The following ADCYAP1 variants were observed in gnomAD, a reference collection of about 807,000 sequenced individuals.
The protein encoded by ADCYAP1 is adenylate cyclase activating polypeptide 1.
ADCYAP1 carries 6 observed loss-of-function variants against 18.5 expected under a neutral mutation model. That is an observed-to-expected ratio of 0.32 (90% CI 0.18 to 0.64). The LOEUF is 0.64. Among genes scored for constraint, ADCYAP1 ranks in the 30% least tolerant of loss-of-function variants. The probability of loss-of-function intolerance (pLI) is 0.77; values close to 1 mark genes in which losing one functional copy is unlikely to be tolerated. For synonymous variants in ADCYAP1, 136 were observed against 113.9 expected, an observed-to-expected ratio of 1.19 and a Z score of -1.24; for missense variants, 314 against 253.6, an observed-to-expected ratio of 1.24 and a Z score of -1.62.
At chr18:908,104 T>C (rs1909247025) in intron 3 of ADCYAP1, 161 bp from the exon 4 acceptor site, 1 of 699,096 alleles carries the variant, frequency 1.4e-6, no homozygotes, top group Admixed American at 2.9e-5. Flanking sequence ...GCAGTTGCTC[T>C]CGAGATCATC....
chr18:908,209 C>G lies in ADCYAP1; in HGVS notation c.243-56C>G, dbSNP rs991161788. 8.7e-6 allele frequency: 13 copies of G among 1,499,194 alleles called. 1 individual carries two copies. The highest frequency in any genetic ancestry group is 3.7e-5 in the Admixed American group (2 of 54,438). 92.9% of individuals were successfully genotyped at this position (1,499,194 alleles called of 1,614,324 possible). A position where few individuals can be genotyped will look rare whatever the true frequency, so the allele number is the denominator to read the frequency against. On this transcript the variant is annotated intron_variant, in intron 3 of 4. Transcript: ENST00000450565. ...GCGCGCCCAACAAGGGGGTCTCTAG[C>G]GGCCACCTGGGGACAGAAACAGTGA... is the stretch of plus-strand genomic sequence containing the variant.
At position 907,693 on chromosome 18, in the gene ADCYAP1, C is replaced by G; in HGVS notation, c.145C>G (p.Pro49Ala). The change falls in exon 3 of 5, where the codon CCG (proline) becomes GCG (alanine). Residue 49 changes from proline to alanine, a missense_variant. Pro to Ala is a conservative substitution (Grantham distance 27, BLOSUM62 -1). Coordinates refer to ENST00000450565, the MANE Select transcript of ADCYAP1 (RefSeq NM_001099733.2). ...AGAGGCGTACGGCGAGGACGGAAAC[C>G]CGCTGCCAGACTTCGATGGCTCGGA... ...EEEAYGEDGN[P>A]LPDFDGSEPP... 6.4e-7 allele frequency: 1 copy of G among 1,570,746 alleles called. No individual in the cohort carries two copies.
intron 4 of ADCYAP1, among the ~76,000 whole-genome samples, 163 bp downstream of exon 4, chr18:908,526 G>A (rs1359596494): frequency 2.0e-5 from 3 of 152,182 alleles, no homozygotes; most frequent in Admixed American, 2.0e-4. Context: ...TTTTGAAGTG[G>A]CACTTTAAAT....
At position 905,480 on chromosome 18, in the gene ADCYAP1, C is replaced by T; in HGVS notation, c.94C>T (p.Arg32Trp). Reference sequence around the variant, plus strand: ...CAGCTCACCTGCCGCCGCCGGACTCCGGTTCCCCGGGATCAGGTAGGTGCT... The same window carrying T: ...CAGCTCACCTGCCGCCGCCGGACTCTGGTTCCCCGGGATCAGGTAGGTGCT... ...VYSSPAAAGL[R>W]FPGIRPEEEA... The change falls in exon 2 of 5, where the codon CGG (arginine) becomes TGG (tryptophan). Residue 32 changes from arginine (R) to tryptophan (W), a missense_variant. Transcript: ENST00000450565. 1 of 1,608,186 alleles carries T rather than the reference C, an allele frequency of 6.2e-7. No individual in the cohort carries two copies.
chr18:908,073 C>T, intron 3 of ADCYAP1, 192 bp from the exon 4 acceptor site: 2 of 668,838 alleles, frequency 3.0e-6, no homozygotes, highest in East Asian at 2.9e-5. Context: ...CTCCTAGAGC[C>T]GGGACTAGCT....
rs1387704493 is a variant in ADCYAP1 at position 909,345 on chromosome 18, C to T, written c.342-101C>T. 4 of 1,227,196 alleles carry T rather than the reference C, an allele frequency of 3.3e-6. No homozygotes were observed. In the South Asian group the frequency reaches 6.1e-5, roughly 19 times the overall value. The allele number at this position is 1,227,196 out of a possible 1,614,324, so 76.0% of individuals were successfully genotyped here. ...GTGGGCAGTGCGAGCCCCGGGCCCT[C>T]CCCGAAGGCTCCCGCGTGGGGTGGG... On this transcript the variant is annotated intron_variant, in intron 4 of 4. Coordinates refer to ENST00000450565, the MANE Select transcript of ADCYAP1 (RefSeq NM_001099733.2).
rs1192660059 is a variant in ADCYAP1 at position 907,802 on chromosome 18, G to A, written c.242+12G>A. 1.4e-6 allele frequency: 2 copies of A among 1,422,062 alleles called. No individual in the cohort carries two copies. Among genetic ancestry groups the A allele is most frequent in the South Asian group, 1.6e-5 (1 of 64,400 alleles). The allele number at this position is 1,422,062 out of a possible 1,614,324, so 88.1% of individuals were successfully genotyped here. The stretch of plus-strand genomic sequence containing the variant: ...CCGGCCGGGAGAAGGTGAGATTCGC[G>A]CGGCCTCGCGCACACCCGCGGCTGG... On this transcript the variant is annotated intron_variant, in intron 3 of 4. Transcript: ENST00000450565.
intron 2 of ADCYAP1, 122 bp downstream of exon 2, chr18:905,618 G>A (rs1460919035): frequency 1.0e-5 from 12 of 1,175,840 alleles, no homozygotes; most frequent in African/African-American, 1.5e-5. Flanking sequence ...TGCGCCCCCG[G>A]TGCGCCTCCG....
chr18:905,553 T>C, intron 2 of ADCYAP1, 57 bp downstream of exon 2: 1 of 1,581,922 alleles, frequency 6.3e-7, no homozygotes, highest in Non-Finnish European at 8.6e-7. Context: ...CACAGACGCT[T>C]CCTCACGGTC....
Position 911,954 on chromosome 18 carries a change from T to C in ADCYAP1, c.*2319T>C, listed in dbSNP as rs1260441985. On this transcript the variant is annotated 3_prime_UTR_variant, in exon 5 of 5. Coordinates refer to ENST00000450565, the MANE Select transcript of ADCYAP1 (RefSeq NM_001099733.2). ...CACCCAGTTTAATCTTTTGTATACTTTTTAGAAATGCCAAGAGCCTTACTA... is the reference window on the plus strand; with the variant it reads ...CACCCAGTTTAATCTTTTGTATACTCTTTAGAAATGCCAAGAGCCTTACTA... 2.0e-5 allele frequency: 3 copies of C among 152,200 alleles called. No individual in the cohort carries two copies. 9.4% of individuals were successfully genotyped at this position (152,200 alleles called of 1,614,324 possible). A position where few individuals can be genotyped will look rare whatever the true frequency, so the allele number is the denominator to read the frequency against.
rs1909340408 is a variant in ADCYAP1, at chr18:910,236, GT to G, written c.*602del. 1 of 152,586 alleles carries G rather than the reference GT, an allele frequency of 6.6e-6. No individual in the cohort carries two copies. Among genetic ancestry groups the G allele is most frequent in the South Asian group, 2.1e-4 (1 of 4,830 alleles). The allele number at this position is 152,586 out of a possible 1,614,324, so 9.5% of individuals were successfully genotyped here. A position where few individuals can be genotyped will look rare whatever the true frequency, so the allele number is the denominator to read the frequency against. On this transcript the variant is annotated 3_prime_UTR_variant, in exon 5 of 5. Transcript: ENST00000450565. ...TCCCAGCCTAACTCAACTGGGCTCT[GT>G]CCCCCTGGTTGGGTGGCAATTCCAA...
At position 909,807 on chromosome 18, in the gene ADCYAP1, C is replaced by A; in HGVS notation, c.*172C>A. The A allele has an allele frequency of 2.6e-6, 1 of 391,858 alleles. No individual in the cohort carries two copies. The highest frequency in any genetic ancestry group is 4.4e-6 in the Non-Finnish European group (1 of 228,764). The allele number at this position is 391,858 out of a possible 1,614,324, so 24.3% of individuals were successfully genotyped here. A position where few individuals can be genotyped will look rare whatever the true frequency, so the allele number is the denominator to read the frequency against. On this transcript the variant is annotated 3_prime_UTR_variant, in exon 5 of 5. Transcript: ENST00000450565. The stretch of plus-strand genomic sequence containing the variant: ...TAATATTGTTTTTCTTTCTACAAAG[C>A]ACTAGAGAATGCACAGATATACTTT...
At position 909,438 on chromosome 18, in the gene ADCYAP1, G is replaced by A; in HGVS notation, c.342-8G>A. 3 of 1,609,422 alleles carry A rather than the reference G, an allele frequency of 1.9e-6. No homozygotes were observed. Among genetic ancestry groups the A allele is most frequent in the African/African-American group, 1.3e-5 (1 of 74,934 alleles). ...CCGCCACCCTCTTCCCGACCCCTTT[G>A]CTTGCAGTGGGAGCCTCGGCGGCGG... On this transcript the variant is annotated splice_polypyrimidine_tract_variant and splice_region_variant and intron_variant, in intron 4 of 4. Transcript: ENST00000450565.
In ADCYAP1 at chr18:908,244, C is replaced by A. The variant is rs780064378; in HGVS notation, c.243-21C>A. 1.9e-6 allele frequency: 3 copies of A among 1,599,738 alleles called. No homozygotes were observed. The East Asian group carries it at 6.7e-5, about 36-fold the overall frequency. On this transcript the variant is annotated intron_variant, in intron 3 of 4. Coordinates refer to ENST00000450565, the MANE Select transcript of ADCYAP1 (RefSeq NM_001099733.2). ...GGGACAGAAACAGTGACCCTGGGCGCGCACTTTGCCTCCCCGTTAGAGATG... is the reference window on the plus strand; with the variant it reads ...GGGACAGAAACAGTGACCCTGGGCGAGCACTTTGCCTCCCCGTTAGAGATG...
At chr18:908,029 G>C (rs1909244272) in intron 3 of ADCYAP1, 2 of 785,792 alleles carry the variant, frequency 2.5e-6, no homozygotes, top group African/African-American at 1.8e-5. Context: ...GTGGCAGTGA[G>C]TGGCGTCAAG....
chr18:908,943 ATAT>A (rs1909280864), intron 4 of ADCYAP1, among the ~76,000 whole-genome samples: 1 of 152,150 alleles, frequency 6.6e-6, no homozygotes, highest in Non-Finnish European at 1.5e-5. Context: ...CTGTCGACTT[ATAT>A]TATTATCACG....
intron 2 of ADCYAP1, chr18:905,727 C>G: frequency 1.8e-6 from 1 of 561,486 alleles, no homozygotes; most frequent in Non-Finnish European, 3.1e-6. Context: ...GCTCAGGGTC[C>G]CGGGTAGAGC....
In ADCYAP1 at chr18:907,646, G is replaced by A; in HGVS notation, c.111-13G>A. The A allele has an allele frequency of 6.3e-7, 1 of 1,579,976 alleles. No homozygotes were observed. The highest frequency in any genetic ancestry group is 2.3e-5 in the East Asian group (1 of 42,830). On this transcript the variant is annotated splice_polypyrimidine_tract_variant and intron_variant, in intron 2 of 4. Coordinates refer to ENST00000450565, the MANE Select transcript of ADCYAP1 (RefSeq NM_001099733.2). ...TGCACTGACCACACCTTCTGTCCCC[G>A]GCCACCCCGCAGGCCAGAGGAAGAG...
intron 2 of ADCYAP1, 146 bp downstream of exon 2, chr18:905,642 G>C (rs375716849): frequency 3.0e-6 from 3 of 986,048 alleles, no homozygotes; most frequent in Non-Finnish European, 4.4e-6. Context: ...GCCTCGGCTG[G>C]ACAGCGGGTC....
Sources: allele counts gnomAD v4.1 joint callset (sites outside exome capture counted in the v4.1 genomes callset), GRCh38; gene constraint gnomAD v4.1.1; transcripts MANE v1.5; gene names NCBI Gene and HGNC (gene_info 2026-07-23, HGNC 2026-07-21).